Variants in FER1L6 observed in about 807,000 individuals in gnomAD.
The protein encoded by FER1L6 is fer-1-like protein 6.
Under a neutral mutation model 219.2 loss-of-function variants are expected in FER1L6, and 177 were observed. The observed-to-expected ratio is 0.81, with a 90% confidence interval of 0.71 to 0.91. The LOEUF is 0.91. FER1L6 is among the 40% of genes least tolerant of loss of function. FER1L6 has a pLI of 0.00. For missense variants in FER1L6, 2,153 were observed against 2,259.9 expected, an observed-to-expected ratio of 0.95 and a Z score of 0.96; for synonymous variants, 768 against 824.3, an observed-to-expected ratio of 0.93 and a Z score of 1.17.
At chr8:124,074,742 A>G (rs1354234098) in intron 31 of FER1L6, among the ~76,000 whole-genome samples, 1 of 152,054 alleles carries the variant, frequency 6.6e-6, no homozygotes, top group Non-Finnish European at 1.5e-5. Context: ...AGGCTGTTTC[A>G]GTGCTGTGCA....
rs547824659 is a variant in FER1L6, at chr8:124,009,513, C to A, written c.1701-1081C>A. 7.2e-5 allele frequency among the ~76,000 whole-genome samples: 11 copies of A among 151,934 alleles called. No homozygotes were observed. The South Asian group carries it at 2.3e-3, about 32-fold the overall frequency. On this transcript the variant is annotated intron_variant, in intron 13 of 40. Coordinates refer to ENST00000522917, the MANE Select transcript of FER1L6 (RefSeq NM_001039112.2). ...TCCCAGAGGAGCCGGTGCTGCTATTCTAGCTTGAGTTTTGTAGAGCTGGAG... is the reference window on the plus strand; with the variant it reads ...TCCCAGAGGAGCCGGTGCTGCTATTATAGCTTGAGTTTTGTAGAGCTGGAG...
intron 1 of FER1L6, among the ~76,000 whole-genome samples, chr8:123,879,069 A>G (rs1452931384): frequency 6.6e-6 from 1 of 152,186 alleles, no homozygotes; most frequent in Non-Finnish European, 1.5e-5. Flanking sequence ...GTGCCTAATA[A>G]TTTTCTTATC....
chr8:123,905,739 A>T (rs1392116505), intron 1 of FER1L6, among the ~76,000 whole-genome samples: 1 of 152,220 alleles, frequency 6.6e-6, no homozygotes, highest in Non-Finnish European at 1.5e-5. Flanking sequence ...GGTTCCTGGC[A>T]CATGATAATC....
intron 1 of FER1L6, among the ~76,000 whole-genome samples, chr8:123,916,992 G>A (rs1045780748): frequency 6.6e-6 from 1 of 152,152 alleles, no homozygotes; most frequent in African/African-American, 2.4e-5. Context: ...AACAGGATTT[G>A]GGGACATTTT....
rs572470108 is a variant in FER1L6, at chr8:124,083,652, A to C, written c.4391+1194A>C. Among the ~76,000 whole-genome samples the C allele has an allele frequency of 3.3e-5, 5 of 152,290 alleles. No homozygotes were observed. The East Asian group carries it at 9.6e-4, about 29-fold the overall frequency. On this transcript the variant is annotated intron_variant, in intron 33 of 40. Transcript: ENST00000522917. ...ATGTGTCTGTTGTTGTGCCAATACC[A>C]TGCTCTTCTGGTTACTATAGCTCTG... is the stretch of plus-strand genomic sequence containing the variant.
chr8:123,988,340 T>C (rs1816692788), intron 12 of FER1L6, among the ~76,000 whole-genome samples: 1 of 152,168 alleles, frequency 6.6e-6, no homozygotes, highest in South Asian at 2.1e-4. Context: ...AACTTTAGAA[T>C]TTTTTTCTAT....
chr8:123,855,921 G>A (rs992936829), intron 1 of FER1L6, among the ~76,000 whole-genome samples: 7 of 145,070 alleles, frequency 4.8e-5, no homozygotes, highest in African/African-American at 1.8e-4. Context: ...TTAGTATATT[G>A]TATATATTAC....
chr8:124,076,169 A>T, intron 31 of FER1L6, 29 bp from the exon 32 acceptor site: 2 of 1,613,014 alleles, frequency 1.2e-6, no homozygotes, highest in Non-Finnish European at 1.7e-6. Flanking sequence ...GAGCTATTGA[A>T]CCAAAGACAT....
chr8:123,986,787 G>A (rs1197226958), intron 12 of FER1L6, among the ~76,000 whole-genome samples: 1 of 152,088 alleles, frequency 6.6e-6, no homozygotes, highest in Non-Finnish European at 1.5e-5. Context: ...TCTGTGCCTG[G>A]CTCGTTTCAC....
At position 124,119,653 on chromosome 8, in the gene FER1L6, CTGTA is replaced by C; in HGVS notation, c.5438_5441del (p.Leu1813ProfsTer57). On this transcript the variant is annotated frameshift_variant, in exon 41 of 41. Transcript: ENST00000522917. LOFTEE classifies it high-confidence loss of function. Reference sequence around the variant, plus strand: ...GTGGTTCATGAGCCCCTTTAAGTGCCTGTACTACCTCATCTGGAAGAATTACAAA... The same window carrying C: ...GTGGTTCATGAGCCCCTTTAAGTGCCCTACCTCATCTGGAAGAATTACAAA... 6.2e-7 allele frequency: 1 copy of C among 1,613,796 alleles called. No individual in the cohort carries two copies. The highest frequency in any genetic ancestry group is 1.3e-5 in the African/African-American group (1 of 75,028).
intron 1 of FER1L6, among the ~76,000 whole-genome samples, chr8:123,952,802 T>C (rs1489847153): frequency 6.6e-6 from 1 of 152,204 alleles, no homozygotes; most frequent in Admixed American, 6.5e-5. Flanking sequence ...TCCTGGCACA[T>C]AGTGAGTGCT....
At position 123,977,444 on chromosome 8, in the gene FER1L6, G is replaced by C. The variant is rs1284191869; in HGVS notation, c.898G>C (p.Ala300Pro). 1 of 1,613,964 alleles carries C rather than the reference G, an allele frequency of 6.2e-7. No homozygotes were observed. The highest frequency in any genetic ancestry group is 8.5e-7 in the Non-Finnish European group (1 of 1,180,006). Residue 300 changes from alanine to proline, a missense_variant, in exon 10 of 41, where the codon GCT (alanine) becomes CCT (proline). Ala to Pro is a conservative substitution (Grantham distance 27). Coordinates refer to ENST00000522917, the MANE Select transcript of FER1L6 (RefSeq NM_001039112.2). ...MGRTTVQKNC[A>P]DPVWHEQVIF... is the part of the protein sequence containing the mutation. The stretch of plus-strand genomic sequence containing the variant: ...GCGAACCACAGTGCAGAAGAACTGT[G>C]CTGATCCTGTGTGGCATGAACAGGT...
chr8:124,101,363 C>T, intron 38 of FER1L6, 25 bp downstream of exon 38: 2 of 1,602,276 alleles, frequency 1.2e-6, no homozygotes, highest in East Asian at 2.2e-5. Context: ...TCATCAAGCA[C>T]ATATTAATGT....
chr8:123,859,248 G>A (rs912069921), intron 1 of FER1L6, among the ~76,000 whole-genome samples: 2 of 152,160 alleles, frequency 1.3e-5, no homozygotes, highest in African/African-American at 4.8e-5. Flanking sequence ...CAGTCTGCCT[G>A]CCTTGGCTTC....
chr8:124,086,703 TTCTTATTGATCATTAACA>T (rs1334449414), intron 33 of FER1L6, among the ~76,000 whole-genome samples: 1 of 152,200 alleles, frequency 6.6e-6, no homozygotes, highest in Non-Finnish European at 1.5e-5. Flanking sequence ...TTCATATAAT[TTCTTATTGATCATTAACA>T]TCCTTTTTCT....
intron 1 of FER1L6, among the ~76,000 whole-genome samples, chr8:123,875,298 A>G (rs909665762): frequency 6.6e-6 from 1 of 152,224 alleles, no homozygotes; most frequent in Non-Finnish European, 1.5e-5. Flanking sequence ...CTGCTGAAAG[A>G]GGTCACCAGT....
chr8:123,917,378 A>G (rs1055401786), intron 1 of FER1L6, among the ~76,000 whole-genome samples: 2 of 152,264 alleles, frequency 1.3e-5, no homozygotes, highest in African/African-American at 2.4e-5. Context: ...CAGTACATCA[A>G]TAATATCCAC....
At chr8:123,970,994 A>T (rs1286404540) in intron 6 of FER1L6, among the ~76,000 whole-genome samples, 1 of 152,180 alleles carries the variant, frequency 6.6e-6, no homozygotes, top group Non-Finnish European at 1.5e-5. Context: ...TCTTCCAAAC[A>T]GTTCTAAGAG....
At chr8:123,929,630 C>T (rs897411523) in intron 1 of FER1L6, among the ~76,000 whole-genome samples, 4 of 152,120 alleles carry the variant, frequency 2.6e-5, no homozygotes, top group Admixed American at 1.3e-4. Context: ...CTACTCTCCG[C>T]TGACTCTGTC....
Sources: allele counts gnomAD v4.1 joint callset (sites outside exome capture counted in the v4.1 genomes callset), GRCh38; gene constraint gnomAD v4.1.1; transcripts MANE v1.5; gene names NCBI Gene and HGNC (gene_info 2026-07-23, HGNC 2026-07-21).